SPRYD7: variants seen among roughly 807,000 people sequenced by gnomAD.
The protein encoded by SPRYD7 is SPRY domain-containing protein 7.
Under a neutral mutation model 23.8 loss-of-function variants are expected in SPRYD7, and 14 were observed. That is an observed-to-expected ratio of 0.59 (90% CI 0.39 to 0.92). The LOEUF (loss-of-function observed/expected upper bound fraction) is 0.92, where lower values mean the gene tolerates loss of function less well. SPRYD7 is among the 40% of genes least tolerant of loss of function. The pLI is 0.00. For missense variants in SPRYD7, 194 were observed against 241.7 expected (o/e 0.80, Z 1.31); for synonymous variants, 75 against 84.9 (o/e 0.88, Z 0.64).
rs1955943073 is a variant in SPRYD7, at chr13:49,931,137, A to C, written c.107-3T>G. 6.4e-7 allele frequency: 1 copy of C among 1,566,868 alleles called. No individual in the cohort carries two copies. Among genetic ancestry groups the C allele is most frequent in the African/African-American group, 1.4e-5 (1 of 73,288 alleles). ...CTTTACAATAACAACATCTGTTCCTAAACAAAAAATGCAGACACTATGTAA... is the reference window on the plus strand; with the variant it reads ...CTTTACAATAACAACATCTGTTCCTCAACAAAAAATGCAGACACTATGTAA... On this transcript the variant is annotated splice_polypyrimidine_tract_variant and splice_region_variant and intron_variant, in intron 1 of 4. Transcript: ENST00000361840.
chr13:49,925,857 T>G (rs1045761936), intron 3 of SPRYD7, among the ~76,000 whole-genome samples: 1 of 151,662 alleles, frequency 6.6e-6, no homozygotes, highest in African/African-American at 2.4e-5. Flanking sequence ...AACTGTTTCA[T>G]GTATGTCTTT....
chr13:49,923,739 C>T (rs533068311), intron 3 of SPRYD7, among the ~76,000 whole-genome samples: 7 of 152,262 alleles, frequency 4.6e-5, no homozygotes, highest in African/African-American at 1.7e-4. Context: ...TGTGATACGC[C>T]CGCCTCAGCC....
chr13:49,921,480 T>C lies in SPRYD7; in HGVS notation c.491A>G (p.Tyr164Cys), dbSNP rs1316198939. 1.2e-6 allele frequency: 2 copies of C among 1,603,634 alleles called. No individual in the cohort carries two copies. The highest frequency in any genetic ancestry group is 2.2e-5 in the East Asian group (1 of 44,826). ...GIRGTVYPVVYVDDSAILDCQ... is the reference protein window; with the variant it reads ...GIRGTVYPVVCVDDSAILDCQ... ...ACATTAGAAATATTTTTGCTTACCATAAACAACTGGATACACTGTCCCTCG... is the reference window on the plus strand; with the variant it reads ...ACATTAGAAATATTTTTGCTTACCACAAACAACTGGATACACTGTCCCTCG... Residue 164 changes from tyrosine to cysteine, a missense_variant and splice_region_variant, in exon 4 of 5, where the codon TAT becomes TGT. By Grantham distance (194) the Tyr-to-Cys change is radical (BLOSUM62 -2). Coordinates refer to ENST00000361840, the MANE Select transcript of SPRYD7 (RefSeq NM_020456.4).
At chr13:49,925,597 G>A (rs1388663255) in intron 3 of SPRYD7, among the ~76,000 whole-genome samples, 1 of 152,022 alleles carries the variant, frequency 6.6e-6, no homozygotes, top group Non-Finnish European at 1.5e-5. Flanking sequence ...AGATCATGAG[G>A]TCAGGAGTTG....
At chr13:49,925,648 A>G (rs1452391189) in intron 3 of SPRYD7, among the ~76,000 whole-genome samples, 1 of 151,510 alleles carries the variant, frequency 6.6e-6, no homozygotes, top group Non-Finnish European at 1.5e-5. Context: ...CGTCTCTAGT[A>G]AAAAATGAAA....
intron 2 of SPRYD7, among the ~76,000 whole-genome samples, chr13:49,929,324 A>C (rs573008443): frequency 6.6e-6 from 1 of 152,280 alleles, no homozygotes; most frequent in African/African-American, 2.4e-5. Flanking sequence ...TAAATAAATA[A>C]GTAAAAATAA....
rs956608650 is a variant in SPRYD7 at position 49,912,757 on chromosome 13, T to A, written c.*2306A>T. 3 of 152,220 alleles carry A rather than the reference T, an allele frequency of 2.0e-5. No individual in the cohort carries two copies. The highest frequency in any genetic ancestry group is 4.4e-5 in the Non-Finnish European group (3 of 68,034). The allele number at this position is 152,220 out of a possible 1,614,324, so 9.4% of individuals were successfully genotyped here. ...TGCTTTCCCAAGTAAGCACATTCTT[T>A]ACAAATTAAAATTATGATAGAAAGC... On this transcript the variant is annotated 3_prime_UTR_variant, in exon 5 of 5. Transcript: ENST00000361840.
rs1000162391 is a variant in SPRYD7 at position 49,928,017 on chromosome 13, G to T, written c.292C>A (p.His98Asn). 6.2e-7 allele frequency: 1 copy of T among 1,614,084 alleles called. No individual in the cohort carries two copies. The highest frequency in any genetic ancestry group is 1.3e-5 in the African/African-American group (1 of 75,020). Residue 98 changes from histidine (H) to asparagine (N), a missense_variant, in exon 3 of 5, where the codon CAC becomes AAC. Transcript: ENST00000361840. ...CCATCATTTCTCATCACCAGACTGT[G>T]CATATCTCGGCCAAGAGGAATCTGA... is the stretch of plus-strand genomic sequence containing the variant. Reference protein sequence around the residue: ...LNQIPLGRDMHSLVMRNDGAL... With the variant: ...LNQIPLGRDMNSLVMRNDGAL...
chr13:49,928,919 G>A (rs991591807), intron 2 of SPRYD7, among the ~76,000 whole-genome samples: 1 of 152,110 alleles, frequency 6.6e-6, no homozygotes, highest in Non-Finnish European at 1.5e-5. Context: ...TATACCATAA[G>A]CAATATCATG....
intron 1 of SPRYD7, 133 bp downstream of exon 1, chr13:49,935,997 G>A (rs1324414826): frequency 3.8e-6 from 2 of 520,792 alleles, no homozygotes; most frequent in South Asian, 3.0e-5. Flanking sequence ...AGAGATCTGC[G>A]AGACGAAATG....
intron 3 of SPRYD7, among the ~76,000 whole-genome samples, chr13:49,926,628 AAG>A (rs1162416961): frequency 1.3e-5 from 2 of 152,216 alleles, no homozygotes; most frequent in Non-Finnish European, 2.9e-5. Flanking sequence ...AATTGCAAAA[AAG>A]AGAAGAAAGA....
intron 1 of SPRYD7, among the ~76,000 whole-genome samples, chr13:49,933,908 T>A (rs1406449682): frequency 6.6e-6 from 1 of 152,150 alleles, no homozygotes; most frequent in Non-Finnish European, 1.5e-5. Flanking sequence ...AAGCCAAAGA[T>A]ATGGCATCAA....
At chr13:49,928,731 A>T (rs1007329879) in intron 2 of SPRYD7, among the ~76,000 whole-genome samples, 2 of 152,238 alleles carry the variant, frequency 1.3e-5, no homozygotes, top group African/African-American at 4.8e-5. Flanking sequence ...AGTAAAGCAC[A>T]CAGTAAGTAT....
intron 4 of SPRYD7, among the ~76,000 whole-genome samples, chr13:49,916,869 G>A (rs1385449923): frequency 6.6e-6 from 1 of 152,198 alleles, no homozygotes; most frequent in Non-Finnish European, 1.5e-5. Flanking sequence ...GCAACATGCA[G>A]AGTACCACTT....
At chr13:49,920,956 G>A (rs888354514) in intron 4 of SPRYD7, among the ~76,000 whole-genome samples, 13 of 151,948 alleles carry the variant, frequency 8.6e-5, no homozygotes, top group African/African-American at 2.2e-4. Context: ...GTGACACTCC[G>A]TTTCAAACAA....
chr13:49,923,981 G>C (rs992756486), intron 3 of SPRYD7, among the ~76,000 whole-genome samples: 5 of 151,020 alleles, frequency 3.3e-5, no homozygotes. Flanking sequence ...TTTGAGACAA[G>C]GTCTTTTTTT....
At chr13:49,930,715 T>C (rs1420858880) in intron 2 of SPRYD7, among the ~76,000 whole-genome samples, 1 of 152,214 alleles carries the variant, frequency 6.6e-6, no homozygotes, top group Non-Finnish European at 1.5e-5. Context: ...CCGGATCCCA[T>C]TAAAAATACT....
In SPRYD7 at chr13:49,924,461, T is replaced by C. The variant is rs144447416; in HGVS notation, c.391-2881A>G. On this transcript the variant is annotated intron_variant, in intron 3 of 4. Coordinates refer to ENST00000361840, the MANE Select transcript of SPRYD7 (RefSeq NM_020456.4). ...CGGCTAATTTTCTTTTTAAATTTTA[T>C]TTATTTATTTATTTGTTTGTTTGTT... Among the ~76,000 whole-genome samples the C allele has an allele frequency of 7.1e-4, 108 of 152,018 alleles. 3 individuals are homozygous for C. In the East Asian group the frequency reaches 0.019, roughly 27 times the overall value.
At chr13:49,917,079 A>G (rs531922816) in intron 4 of SPRYD7, among the ~76,000 whole-genome samples, 1 of 152,252 alleles carries the variant, frequency 6.6e-6, no homozygotes, top group Non-Finnish European at 1.5e-5. Flanking sequence ...GCTAGAAGTC[A>G]TAACTTTGTT....
Sources: allele counts gnomAD v4.1 joint callset (sites outside exome capture counted in the v4.1 genomes callset), GRCh38; gene constraint gnomAD v4.1.1; transcripts MANE v1.5; gene names NCBI Gene and HGNC (gene_info 2026-07-23, HGNC 2026-07-21).